STRN3: variants seen among roughly 807,000 people sequenced by gnomAD.
STRN3 encodes striatin 3, also known as striatin-3.
A neutral mutation model predicts 95.6 loss-of-function variants in STRN3; 29 were observed. The ratio of observed to expected loss-of-function variants is 0.30; its 90% CI spans 0.23 to 0.41. STRN3 has a LOEUF of 0.41. STRN3 is among the 10% of genes least tolerant of loss of function. The pLI is 1.00. For missense variants in STRN3, 890 were observed against 972.1 expected (o/e 0.92, Z 1.12); for synonymous variants, 331 against 357.6 (o/e 0.93, Z 0.84).
At chr14:30,928,647 C>T (rs1878312233) in intron 8 of STRN3, among the ~76,000 whole-genome samples, 2 of 152,184 alleles carry the variant, frequency 1.3e-5, no homozygotes, top group South Asian at 4.1e-4. Context: ...ACAAACCCTA[C>T]TGCCACCACT....
chr14:30,906,776 T>A, intron 14 of STRN3, 101 bp downstream of exon 14: 1 of 1,224,630 alleles, frequency 8.2e-7, no homozygotes, highest in Non-Finnish European at 1.1e-6. Context: ...ATTCAATATA[T>A]CTCTTTGGAA....
intron 8 of STRN3, among the ~76,000 whole-genome samples, chr14:30,925,903 T>C (rs1280345591): frequency 1.3e-5 from 2 of 152,094 alleles, no homozygotes; most frequent in Admixed American, 6.5e-5. Flanking sequence ...ATCAGAATAA[T>C]AACATGGACT....
rs1378591129 is a variant in STRN3, at chr14:30,912,077, C to T, written c.1480G>A (p.Val494Met). The T allele has an allele frequency of 6.2e-7, 1 of 1,614,108 alleles. No individual in the cohort carries two copies. The highest frequency in any genetic ancestry group is 1.3e-5 in the African/African-American group (1 of 75,020). Residue 494 changes from valine to methionine, a missense_variant, in exon 11 of 18, where the codon GTG (valine) becomes ATG (methionine). Physicochemically the swap from Val to Met is conservative, Grantham distance 21. Around this residue, in one of 3 missense-constraint regions of STRN3, gnomAD observed 357 missense variants for 422.8 expected, o/e 0.84. Coordinates refer to ENST00000357479, the MANE Select transcript of STRN3 (RefSeq NM_001083893.2). Reference protein sequence around the residue: ...RALAFHPVEPVLVTASEDHTL... With the variant: ...RALAFHPVEPMLVTASEDHTL... ...TGGTCCTCAGAAGCAGTAACCAGCA[C>T]AGGTTCTACAGGATGAAAAGCTAAT...
chr14:30,952,809 T>C (rs544310569), intron 3 of STRN3, among the ~76,000 whole-genome samples: 4 of 152,292 alleles, frequency 2.6e-5, no homozygotes, highest in African/African-American at 9.6e-5. Context: ...TTTCTATTTA[T>C]AACATTTTAA....
At chr14:30,945,581 G>C (rs1879321412) in intron 5 of STRN3, among the ~76,000 whole-genome samples, 2 of 151,974 alleles carry the variant, frequency 1.3e-5, no homozygotes, top group African/African-American at 4.8e-5. Flanking sequence ...ACTCCAGCCT[G>C]GGAAATGGAG....
At chr14:30,977,814 A>ACAT (rs1881188113) in intron 1 of STRN3, among the ~76,000 whole-genome samples, 1 of 151,344 alleles carries the variant, frequency 6.6e-6, no homozygotes, top group African/African-American at 2.4e-5. Context: ...AAAAAAAAAA[A>ACAT]AAACATGAAA....
chr14:30,917,660 CTA>C (rs1395428956), intron 9 of STRN3, among the ~76,000 whole-genome samples: 3 of 151,288 alleles, frequency 2.0e-5, no homozygotes, highest in Admixed American at 6.6e-5. Context: ...TTAACAGACA[CTA>C]TTTTATTTTT....
At chr14:30,902,763 C>CA (rs1441535521) in intron 15 of STRN3, 120 bp from the exon 16 acceptor site, 1 of 667,038 alleles carries the variant, frequency 1.5e-6, no homozygotes, top group Non-Finnish European at 2.5e-6. Context: ...TTGCATAAAA[C>CA]AAAAAATCTG....
intron 8 of STRN3, among the ~76,000 whole-genome samples, chr14:30,923,599 C>A (rs1176787150): frequency 6.6e-6 from 1 of 152,100 alleles, no homozygotes; most frequent in Non-Finnish European, 1.5e-5. Context: ...CATACATATT[C>A]CCCAAATATG....
intron 1 of STRN3, among the ~76,000 whole-genome samples, chr14:31,009,419 T>A (rs544094837): frequency 4.3e-4 from 66 of 152,258 alleles, no homozygotes; most frequent in African/African-American, 1.5e-3. Flanking sequence ...CCAAATGTGA[T>A]AACCAAAAAT....
Position 30,958,994 on chromosome 14 carries a change from A to C in STRN3, c.283-2752T>G, listed in dbSNP as rs144445178. Among the ~76,000 whole-genome samples, 1,346 of 152,304 alleles carry C rather than the reference A, an allele frequency of 8.8e-3. 19 individuals are homozygous for C. The highest frequency in any genetic ancestry group is 0.031 in the African/African-American group (1,296 of 41,560). On this transcript the variant is annotated intron_variant, in intron 1 of 17. Transcript: ENST00000357479. ...AAATAATTTGCGAGAATTTAGGACA[A>C]GGAAAACGCTCAAGAATTAAAAACA... is the stretch of plus-strand genomic sequence containing the variant.
At chr14:31,007,042 G>A (rs908861258) in intron 1 of STRN3, among the ~76,000 whole-genome samples, 6 of 152,116 alleles carry the variant, frequency 3.9e-5, no homozygotes, top group African/African-American at 1.4e-4. Context: ...CCAATCAAGT[G>A]TGAAAATAAA....
At chr14:30,958,901 T>G (rs141489012) in intron 1 of STRN3, among the ~76,000 whole-genome samples, 1 of 152,126 alleles carries the variant, frequency 6.6e-6, no homozygotes, top group Admixed American at 6.6e-5. Context: ...TCTAGTAAAA[T>G]AGACAAGCAC....
chr14:30,924,850 A>C (rs1414503825), intron 8 of STRN3, among the ~76,000 whole-genome samples: 1 of 152,176 alleles, frequency 6.6e-6, no homozygotes, highest in Non-Finnish European at 1.5e-5. Context: ...GCCTGTCTCA[A>C]AATAAAAAAG....
chr14:30,983,369 C>A (rs938006692), intron 1 of STRN3, among the ~76,000 whole-genome samples: 5 of 152,046 alleles, frequency 3.3e-5, no homozygotes, highest in South Asian at 4.1e-4. Flanking sequence ...ATGGAGAAAC[C>A]CCGTCTCTAC....
chr14:31,012,063 C>G (rs942497767), intron 1 of STRN3, among the ~76,000 whole-genome samples: 1 of 152,186 alleles, frequency 6.6e-6, no homozygotes, highest in South Asian at 2.1e-4. Context: ...GCATGGGCGA[C>G]GGAGCGAGAC....
intron 1 of STRN3, among the ~76,000 whole-genome samples, chr14:31,019,078 A>G (rs1039478099): frequency 6.6e-6 from 1 of 152,158 alleles, no homozygotes; most frequent in Non-Finnish European, 1.5e-5. Context: ...TGAGATGCCA[A>G]GGTAGGAGGA....
At chr14:30,902,916 T>G (rs1299675767) in intron 15 of STRN3, among the ~76,000 whole-genome samples, 1 of 152,160 alleles carries the variant, frequency 6.6e-6, no homozygotes, top group East Asian at 1.9e-4. Context: ...TAGTTTAGAA[T>G]TTTTAAAAGA....
intron 1 of STRN3, among the ~76,000 whole-genome samples, chr14:30,983,204 C>T (rs1222490342): frequency 6.6e-6 from 1 of 152,126 alleles, no homozygotes; most frequent in Non-Finnish European, 1.5e-5. Flanking sequence ...TATAATACCT[C>T]AAGCTTGGAA....
Sources: gnomAD v4.1 joint callset for allele counts (sites outside exome capture counted in the v4.1 genomes callset) on GRCh38, gnomAD v4.1.1 for gene constraint, gnomAD v4.1.1 regional missense constraint, MANE v1.5 for transcripts, NCBI Gene and HGNC (gene_info 2026-07-23, HGNC 2026-07-21) for gene names.